RANBP17: variants seen among roughly 807,000 people sequenced by gnomAD.
The protein encoded by RANBP17 is RAN binding protein 17, also known as ran-binding protein 17.
A neutral mutation model predicts 141.2 loss-of-function variants in RANBP17; 158 were observed. The ratio of observed to expected loss-of-function variants is 1.12; its 90% CI spans 0.98 to 1.28. RANBP17 has a LOEUF of 1.28. Among genes scored for constraint, RANBP17 ranks in the 50% most tolerant of loss-of-function variants. The pLI, the probability that RANBP17 is intolerant of heterozygous loss-of-function variation, is 0.00. For missense variants in RANBP17, 1,438 were observed against 1,290.7 expected (o/e 1.11, Z -1.75); for synonymous variants, 430 against 450.0 (o/e 0.96, Z 0.56).
At chr5:170,966,609 A>G (rs1268520731) in intron 13 of RANBP17, among the ~76,000 whole-genome samples, 5 of 151,870 alleles carry the variant, frequency 3.3e-5, no homozygotes, top group East Asian at 1.9e-4. Context: ...CAAAAACTGG[A>G]AGCATTCCCT....
chr5:171,141,865 G>C (rs1757726784), intron 14 of RANBP17, among the ~76,000 whole-genome samples: 1 of 152,058 alleles, frequency 6.6e-6, no homozygotes, highest in Non-Finnish European at 1.5e-5. Flanking sequence ...AATAATACCT[G>C]TAGCACAGAA....
At chr5:170,978,044 CAGA>C (rs1171153501) in intron 14 of RANBP17, among the ~76,000 whole-genome samples, 1 of 151,962 alleles carries the variant, frequency 6.6e-6, no homozygotes, top group East Asian at 1.9e-4. Flanking sequence ...TTAAAATGGG[CAGA>C]AGATTTCAAC....
At chr5:171,133,297 G>C in intron 14 of RANBP17, among the ~76,000 whole-genome samples, 1 of 152,158 alleles carries the variant, frequency 6.6e-6, no homozygotes, top group Non-Finnish European at 1.5e-5. Flanking sequence ...ATAATTTGCT[G>C]TAAGGAGATA....
At chr5:170,998,281 A>G (rs1199899548) in intron 14 of RANBP17, among the ~76,000 whole-genome samples, 1 of 150,896 alleles carries the variant, frequency 6.6e-6, no homozygotes, top group Non-Finnish European at 1.5e-5. Context: ...TAGCATTTTG[A>G]ACATAATGGT....
intron 14 of RANBP17, among the ~76,000 whole-genome samples, chr5:171,165,067 G>C (rs1181063482): frequency 6.6e-6 from 1 of 152,194 alleles, no homozygotes; most frequent in Non-Finnish European, 1.5e-5. Context: ...CTGTGCAGAA[G>C]GGTCAATGAA....
chr5:171,098,099 G>A (rs975476921), intron 14 of RANBP17, among the ~76,000 whole-genome samples: 2 of 152,050 alleles, frequency 1.3e-5, no homozygotes, highest in Non-Finnish European at 1.5e-5. Context: ...ATAAACATAC[G>A]TATGCATGTG....
At chr5:171,200,837 G>C (rs1762254825) in intron 19 of RANBP17, among the ~76,000 whole-genome samples, 1 of 152,142 alleles carries the variant, frequency 6.6e-6, no homozygotes, top group South Asian at 2.1e-4. Flanking sequence ...TGAAATTAAT[G>C]TTTATCAGCA....
chr5:170,952,851 A>G (rs477119), intron 12 of RANBP17, among the ~76,000 whole-genome samples: 146,318 of 152,118 alleles, frequency 0.96, 70,424 homozygotes, highest in East Asian at 1. Context: ...ATCCAGAGAT[A>G]TAAAATAATA....
intron 25 of RANBP17, among the ~76,000 whole-genome samples, chr5:171,282,460 T>TTGTTGTTGTTGTTGC (rs1400732456): frequency 7.4e-4 from 1 of 1,352 alleles, no homozygotes; most frequent in Non-Finnish European, 3.0e-3. Flanking sequence ...CTGCATGTTG[T>TTGTTGTTGTTGTTGC]TGTTGTTGTT....
At chr5:170,983,053 A>G (rs1161522363) in intron 14 of RANBP17, 1 of 501,102 alleles carries the variant, frequency 2.0e-6, no homozygotes, top group Non-Finnish European at 3.9e-6. Context: ...CTTCTCTTAT[A>G]TCTTTTACCA....
intron 12 of RANBP17, among the ~76,000 whole-genome samples, chr5:170,948,635 C>T (rs2127488337): frequency 6.6e-6 from 1 of 152,288 alleles, no homozygotes; most frequent in East Asian, 1.9e-4. Context: ...CAGTACTCTT[C>T]AGATTGATCT....
At chr5:170,915,980 T>C (rs928354068) in intron 8 of RANBP17, among the ~76,000 whole-genome samples, 9 of 152,118 alleles carry the variant, frequency 5.9e-5, no homozygotes, top group African/African-American at 1.4e-4. Context: ...GGAATTTTTA[T>C]GATGGGGTAG....
chr5:170,934,324 G>T (rs1156961315), intron 12 of RANBP17, among the ~76,000 whole-genome samples: 1 of 152,066 alleles, frequency 6.6e-6, no homozygotes, highest in Non-Finnish European at 1.5e-5. Context: ...CATGAGATGG[G>T]TCTCCTGAAT....
chr5:171,000,894 G>A (rs1035905304), intron 14 of RANBP17, among the ~76,000 whole-genome samples: 11 of 152,156 alleles, frequency 7.2e-5, no homozygotes, highest in Non-Finnish European at 2.9e-5. Context: ...TTAGGGTGGG[G>A]CAGAAACAAA....
chr5:171,276,815 G>A (rs1404238680), intron 25 of RANBP17, among the ~76,000 whole-genome samples: 2 of 151,134 alleles, frequency 1.3e-5, no homozygotes, highest in African/African-American at 4.9e-5. Context: ...TCACAAGTAT[G>A]GCAAATGGCA....
intron 18 of RANBP17, among the ~76,000 whole-genome samples, chr5:171,186,330 A>G (rs1014307991): frequency 1.3e-5 from 2 of 152,090 alleles, no homozygotes; most frequent in African/African-American, 2.4e-5. Context: ...CAGCTTCTCC[A>G]TCAGCACTTG....
At chr5:171,068,835 C>G (rs1384975086) in intron 14 of RANBP17, among the ~76,000 whole-genome samples, 1 of 152,160 alleles carries the variant, frequency 6.6e-6, no homozygotes, top group African/African-American at 2.4e-5. Context: ...ATCTACTCGC[C>G]TCGGCCTCCC....
chr5:170,937,709 G>A (rs1773992203), intron 12 of RANBP17, among the ~76,000 whole-genome samples: 1 of 152,086 alleles, frequency 6.6e-6, no homozygotes, highest in South Asian at 2.1e-4. Context: ...GTGTTGTAGT[G>A]CTGTTTTTGT....
At chr5:170,991,594 CAGAT>C (rs1023136445) in intron 14 of RANBP17, among the ~76,000 whole-genome samples, 2 of 151,932 alleles carry the variant, frequency 1.3e-5, no homozygotes, top group Non-Finnish European at 2.9e-5. Context: ...GCCTTTTCAT[CAGAT>C]AGATCTCCAG....
Sources: gnomAD v4.1 joint callset for allele counts (sites outside exome capture counted in the v4.1 genomes callset) on GRCh38, gnomAD v4.1.1 for gene constraint, MANE v1.5 for transcripts, NCBI Gene and HGNC (gene_info 2026-07-23, HGNC 2026-07-21) for gene names.